NRXN2: variants seen among roughly 807,000 people sequenced by gnomAD.
NRXN2 encodes the protein neurexin-2-beta.
A neutral mutation model predicts 128.8 loss-of-function variants in NRXN2; 29 were observed. That is an observed-to-expected ratio of 0.23 (90% CI 0.17 to 0.31). The LOEUF (loss-of-function observed/expected upper bound fraction) is 0.31, where lower values mean the gene tolerates loss of function less well. Ranked by LOEUF, NRXN2 falls within the 10% of genes least tolerant of loss-of-function variation. The pLI is 1.00. For missense variants in NRXN2, 1,881 were observed against 2,452.6 expected (o/e 0.77, Z 4.92); for synonymous variants, 1,098 against 1,075.2 (o/e 1.02, Z -0.41).
intron 17 of NRXN2, chr11:64,643,079 C>A: frequency 1.0e-6 from 1 of 988,236 alleles, no homozygotes; most frequent in Non-Finnish European, 1.2e-6. Flanking sequence ...GGGGTCGGAG[C>A]GGCGCAGAGG....
chr11:64,700,392 T>C (rs375737487), intron 2 of NRXN2, among the ~76,000 whole-genome samples: 1 of 152,220 alleles, frequency 6.6e-6, no homozygotes, highest in African/African-American at 2.4e-5. Flanking sequence ...TTTCAACCAG[T>C]GCTGCCTGAG....
intron 21 of NRXN2, among the ~76,000 whole-genome samples, chr11:64,621,296 T>C (rs2042311701): frequency 6.6e-6 from 1 of 152,086 alleles, no homozygotes; most frequent in Non-Finnish European, 1.5e-5. Context: ...CTCCCACCTC[T>C]CTCTTCCACC....
chr11:64,676,748 G>T, intron 7 of NRXN2: 1 of 590,964 alleles, frequency 1.7e-6, no homozygotes, highest in Non-Finnish European at 3.0e-6. Flanking sequence ...TTACAGCAGG[G>T]ACAAGCCAAA....
chr11:64,652,198 C>T (rs1320826333), intron 12 of NRXN2, 44 bp from the exon 13 acceptor site: 3 of 1,585,216 alleles, frequency 1.9e-6, no homozygotes, highest in Non-Finnish European at 2.6e-6. Context: ...TATACATGCT[C>T]ATAGGTGACT....
chr11:64,638,084 C>A (rs2135400333), intron 17 of NRXN2, among the ~76,000 whole-genome samples: 2 of 152,302 alleles, frequency 1.3e-5, no homozygotes. Context: ...AAAGACAGAC[C>A]AGGGAAGGCG....
At chr11:64,629,799 T>C (rs921505504) in intron 19 of NRXN2, among the ~76,000 whole-genome samples, 2 of 152,160 alleles carry the variant, frequency 1.3e-5, no homozygotes, top group African/African-American at 4.8e-5. Context: ...CACTTGTCTC[T>C]TCCTCCCTTT....
rs931431347 is a variant in NRXN2, at chr11:64,622,273, C to A, written c.4173+480G>T. Among the ~76,000 whole-genome samples, 1 of 152,182 alleles carries A rather than the reference C, an allele frequency of 6.6e-6. No individual in the cohort carries two copies. Among genetic ancestry groups the A allele is most frequent in the Non-Finnish European group, 1.5e-5 (1 of 68,022 alleles). On this transcript the variant is annotated intron_variant, in intron 21 of 22. Transcript: ENST00000265459. The surrounding 1 kb of genome is among the most constrained non-coding windows in gnomAD (Gnocchi z 4.3). Reference sequence around the variant, plus strand: ...GCTTCCACCAGCCTCTGGAGAGGGGCTGCCCATGCCAGGTGACTGCATCCA... The same window carrying A: ...GCTTCCACCAGCCTCTGGAGAGGGGATGCCCATGCCAGGTGACTGCATCCA...
chr11:64,608,761 A>G (rs1340759996), intron 22 of NRXN2, among the ~76,000 whole-genome samples: 1 of 151,978 alleles, frequency 6.6e-6, no homozygotes, highest in Non-Finnish European at 1.5e-5. Flanking sequence ...CTCCGCCCTC[A>G]CTTGTCCCTC....
At chr11:64,676,614 A>C in intron 7 of NRXN2, 2 of 243,522 alleles carry the variant, frequency 8.2e-6, no homozygotes, top group Non-Finnish European at 1.6e-5. Context: ...AGGGGAGGGA[A>C]AAGAACAAAA....
intron 11 of NRXN2, among the ~76,000 whole-genome samples, chr11:64,656,512 G>T: frequency 6.6e-6 from 1 of 152,142 alleles, no homozygotes; most frequent in East Asian, 1.9e-4. Flanking sequence ...CCTCCCACTG[G>T]TAGGGAGTGT....
chr11:64,706,691 A>G (rs887077638), intron 2 of NRXN2, among the ~76,000 whole-genome samples: 2 of 152,164 alleles, frequency 1.3e-5, no homozygotes, highest in Non-Finnish European at 2.9e-5. Context: ...GATATGATGT[A>G]CATTTCCCTG....
At position 64,660,976 on chromosome 11, in the gene NRXN2, G is replaced by A. The variant is rs757833579; in HGVS notation, c.1962C>T (p.Tyr654=). Residue 654 remains tyrosine, a synonymous_variant, in exon 10 of 23, where the codon TAC becomes TAT. Coordinates refer to ENST00000265459, the MANE Select transcript of NRXN2 (RefSeq NM_015080.4). This position sits in a 1 kb window ranked among gnomAD's most constrained non-coding sequence, Gnocchi z 5.2. ...TGAAGAGGTCCCGCACACAGCCCAC[G>A]TAGCCTGCCCGGAGTGCTGCTGTCC... ...EVWTAALRAG[Y]VGCVRDLFID... is the part of the protein sequence containing the mutation. 1.4e-5 allele frequency: 23 copies of A among 1,613,750 alleles called. No homozygotes were observed. Among genetic ancestry groups the A allele is most frequent in the South Asian group, 3.3e-5 (3 of 91,092 alleles).
intron 17 of NRXN2, among the ~76,000 whole-genome samples, chr11:64,644,852 T>C (rs993028101): frequency 6.6e-6 from 1 of 151,962 alleles, no homozygotes; most frequent in African/African-American, 2.4e-5. Flanking sequence ...CTCCTATTTA[T>C]TGATTCTAAA....
In NRXN2 at chr11:64,685,413, T is replaced by G. The variant is rs1423860747; in HGVS notation, c.1152+233A>C. ...AGTCCTTCCCCTGCCCTCAGGTTCC[T>G]GCCCAGGGACAGTTCTGGAGCCTCC... On this transcript the variant is annotated intron_variant, in intron 6 of 22. Transcript: ENST00000265459. Among the ~76,000 whole-genome samples, 11 of 152,298 alleles carry G rather than the reference T, an allele frequency of 7.2e-5. 1 individual carries two copies. The Middle Eastern group carries it at 0.01, about 141-fold the overall frequency.
chr11:64,690,471 A>G lies in NRXN2; in HGVS notation c.784T>C (p.Ser262Pro), dbSNP rs1382150679. 1 of 1,612,882 alleles carries G rather than the reference A, an allele frequency of 6.2e-7. No individual in the cohort carries two copies. Among genetic ancestry groups the G allele is most frequent in the Non-Finnish European group, 8.5e-7 (1 of 1,179,730 alleles). ...AHLTLNSEVG[S>P]LLFSEGGAGR... Reference sequence around the variant, plus strand: ...GCCCCCCCCTCGGAGAACAGTAAGGACCCTACTGGAGAAGCAGAATTGGGG... The same window carrying G: ...GCCCCCCCCTCGGAGAACAGTAAGGGCCCTACTGGAGAAGCAGAATTGGGG... Residue 262 changes from serine (S) to proline (P), a missense_variant, in exon 5 of 23, where the codon TCC (serine) becomes CCC (proline). Ser to Pro is a moderately conservative substitution (Grantham distance 74). This residue lies in a region of NRXN2 where 997 missense variants were observed against 1,240.8 expected (regional missense o/e 0.80). Coordinates refer to ENST00000265459, the MANE Select transcript of NRXN2 (RefSeq NM_015080.4).
At chr11:64,691,328 A>T (rs190583698) in intron 4 of NRXN2, among the ~76,000 whole-genome samples, 102 of 152,224 alleles carry the variant, frequency 6.7e-4, no homozygotes, top group African/African-American at 2.3e-3. Context: ...CTCAGTCCAA[A>T]TGCCCCGGTG....
intron 22 of NRXN2, among the ~76,000 whole-genome samples, chr11:64,610,385 G>C (rs533707301): frequency 6.6e-6 from 1 of 152,296 alleles, no homozygotes; most frequent in African/African-American, 2.4e-5. Flanking sequence ...AAGATCACCA[G>C]GTGTAGGTGC....
rs1360091826 is a variant in NRXN2, at chr11:64,631,614, A to G, written c.3586-1041T>C. 6.6e-6 allele frequency among the ~76,000 whole-genome samples: 1 copy of G among 152,136 alleles called. No homozygotes were observed. The highest frequency in any genetic ancestry group is 6.5e-5 in the Admixed American group (1 of 15,282). ...AGACTGAGGCTCAGCATAGTTAAAT[A>G]ACATCTCAAAATCTTGCAGCTCATG... is the stretch of plus-strand genomic sequence containing the variant. On this transcript the variant is annotated intron_variant, in intron 18 of 22. Transcript: ENST00000265459. The surrounding 1 kb of genome is among the most constrained non-coding windows in gnomAD (Gnocchi z 4.8).
intron 17 of NRXN2, among the ~76,000 whole-genome samples, chr11:64,636,416 G>A (rs1261963360): frequency 4.6e-5 from 7 of 151,586 alleles, no homozygotes. Context: ...TGGGGGTGGG[G>A]GGCTGGTCAC....
Sources: allele counts gnomAD v4.1 joint callset (sites outside exome capture counted in the v4.1 genomes callset), GRCh38; gene constraint gnomAD v4.1.1; regional missense constraint gnomAD v4.1.1; non-coding constraint Gnocchi (gnomAD v3.1); transcripts MANE v1.5; gene names NCBI Gene and HGNC (gene_info 2026-07-23, HGNC 2026-07-21).